The following TMEM132C variants were observed in gnomAD, a reference collection of about 807,000 sequenced individuals.
TMEM132C encodes transmembrane protein 132C.
Under a neutral mutation model 61.4 loss-of-function variants are expected in TMEM132C, and 29 were observed. The ratio of observed to expected loss-of-function variants is 0.47; its 90% CI spans 0.35 to 0.64. TMEM132C has a LOEUF of 0.64. TMEM132C is among the 30% of genes least tolerant of loss of function. The pLI, the probability that TMEM132C is intolerant of heterozygous loss-of-function variation, is 0.00. For missense variants in TMEM132C, 1,408 were observed against 1,476.9 expected, an observed-to-expected ratio of 0.95 and a Z score of 0.76; for synonymous variants, 656 against 633.1, an observed-to-expected ratio of 1.04 and a Z score of -0.54.
At position 128,570,546 on chromosome 12, in the gene TMEM132C, C is replaced by CT. The variant is rs368583011; in HGVS notation, c.1121+26453dup. 5.1e-4 allele frequency among the ~76,000 whole-genome samples: 76 copies of CT among 149,122 alleles called. 1 individual carries two copies. Among genetic ancestry groups the CT allele is most frequent in the Admixed American group, 1.0e-3 (15 of 14,968 alleles). ...ATTGCAGAGGCCTAACGAAACACGG[C>CT]TTTTTTTTTTCCTTTGACTCAGCAT... On this transcript the variant is annotated intron_variant, in intron 3 of 8. Coordinates refer to ENST00000435159, the MANE Select transcript of TMEM132C (RefSeq NM_001136103.3). This position sits in a 1 kb window ranked among gnomAD's most constrained non-coding sequence, Gnocchi z 4.7.
At chr12:128,427,008 G>A (rs1869208560) in intron 2 of TMEM132C, among the ~76,000 whole-genome samples, 1 of 152,148 alleles carries the variant, frequency 6.6e-6, no homozygotes, top group African/African-American at 2.4e-5. Flanking sequence ...AAATTTGTGT[G>A]GAGGAGAGGC....
At chr12:128,501,413 G>A (rs991971175) in intron 2 of TMEM132C, among the ~76,000 whole-genome samples, 2 of 152,192 alleles carry the variant, frequency 1.3e-5, no homozygotes, top group Non-Finnish European at 2.9e-5. Context: ...GACTCAGAAT[G>A]TCAGCCAATA....
intron 3 of TMEM132C, among the ~76,000 whole-genome samples, chr12:128,583,660 A>G (rs1438231988): frequency 2.0e-5 from 3 of 152,174 alleles, no homozygotes; most frequent in African/African-American, 4.8e-5. Flanking sequence ...GAGGGGAACT[A>G]CTGCTCCTTG....
intron 1 of TMEM132C, among the ~76,000 whole-genome samples, chr12:128,394,773 C>T (rs959799992): frequency 9.2e-5 from 14 of 152,272 alleles, no homozygotes; most frequent in Admixed American, 3.3e-4. Flanking sequence ...GAGCCATACA[C>T]GGGATAGTAT....
intron 4 of TMEM132C, among the ~76,000 whole-genome samples, chr12:128,617,656 T>C (rs996540387): frequency 2.0e-4 from 30 of 151,664 alleles, no homozygotes; most frequent in Admixed American, 1.8e-3. Flanking sequence ...TGGAATCAGG[T>C]GGGGCAGGTG....
chr12:128,365,299 T>C (rs1476545248), intron 1 of TMEM132C, among the ~76,000 whole-genome samples: 1 of 152,180 alleles, frequency 6.6e-6, no homozygotes, highest in African/African-American at 2.4e-5. Flanking sequence ...ATGAAACACA[T>C]AGGAATGCTC....
At chr12:128,454,596 G>C (rs367772643) in intron 2 of TMEM132C, among the ~76,000 whole-genome samples, 7 of 152,354 alleles carry the variant, frequency 4.6e-5, no homozygotes, top group African/African-American at 1.7e-4. Context: ...ATGCAGAGGT[G>C]TTCGCCGGGG....
intron 2 of TMEM132C, among the ~76,000 whole-genome samples, chr12:128,505,647 C>T (rs930681841): frequency 6.6e-6 from 1 of 152,180 alleles, no homozygotes; most frequent in African/African-American, 2.4e-5. Flanking sequence ...CCCTCAATAG[C>T]CATTGCCCAT....
chr12:128,378,631 C>T (rs1469741665), intron 1 of TMEM132C, among the ~76,000 whole-genome samples: 1 of 152,130 alleles, frequency 6.6e-6, no homozygotes, highest in African/African-American at 2.4e-5. Context: ...AAGGAGCTGT[C>T]ATAGTAATGC....
At chr12:128,318,680 T>C (rs1305719507) in intron 1 of TMEM132C, among the ~76,000 whole-genome samples, 1 of 152,210 alleles carries the variant, frequency 6.6e-6, no homozygotes, top group Admixed American at 6.5e-5. Flanking sequence ...AACCAGTATT[T>C]CATTTGCCTC....
chr12:128,621,276 G>C (rs1953960584), intron 4 of TMEM132C, among the ~76,000 whole-genome samples: 1 of 152,196 alleles, frequency 6.6e-6, no homozygotes, highest in Admixed American at 6.5e-5. Context: ...TGGAGCCAGT[G>C]AATGTGACCT....
chr12:128,460,683 A>C (rs1258663120), intron 2 of TMEM132C, among the ~76,000 whole-genome samples: 1 of 152,220 alleles, frequency 6.6e-6, no homozygotes, highest in Non-Finnish European at 1.5e-5. Context: ...ATGTTGGTCA[A>C]TGAATGCAAG....
chr12:128,362,013 G>A (rs546091480), intron 1 of TMEM132C, among the ~76,000 whole-genome samples: 10 of 152,086 alleles, frequency 6.6e-5, no homozygotes, highest in East Asian at 1.9e-4. Flanking sequence ...TGGGGGACTC[G>A]GAGTTCAGGA....
At chr12:128,403,804 T>C (rs961691331) in intron 1 of TMEM132C, among the ~76,000 whole-genome samples, 1 of 152,242 alleles carries the variant, frequency 6.6e-6, no homozygotes, top group South Asian at 2.1e-4. Context: ...ACCACTGTGA[T>C]ACATTTCTTC....
intron 1 of TMEM132C, among the ~76,000 whole-genome samples, chr12:128,393,423 A>G (rs1445875677): frequency 6.6e-6 from 1 of 152,228 alleles, no homozygotes; most frequent in Non-Finnish European, 1.5e-5. Context: ...AATGACAGAC[A>G]ACAGGCTTCA....
intron 1 of TMEM132C, among the ~76,000 whole-genome samples, chr12:128,276,893 T>TGC (rs1176212210): frequency 2.9e-5 from 2 of 69,188 alleles, no homozygotes; most frequent in East Asian, 5.3e-4. Flanking sequence ...TGTGCGTGCA[T>TGC]GCACACACAC....
At chr12:128,680,732 A>G (rs1343802473) in intron 5 of TMEM132C, among the ~76,000 whole-genome samples, 1 of 152,164 alleles carries the variant, frequency 6.6e-6, no homozygotes, top group East Asian at 1.9e-4. Flanking sequence ...TTGGCCTAGA[A>G]CTGGCCAAAA....
At chr12:128,640,399 T>A (rs79267984) in intron 4 of TMEM132C, among the ~76,000 whole-genome samples, 2,385 of 152,204 alleles carry the variant, frequency 0.016, 62 homozygotes, top group African/African-American at 0.055. Context: ...GCTGTATGAT[T>A]CCATTTATGT....
intron 1 of TMEM132C, among the ~76,000 whole-genome samples, chr12:128,316,592 G>A (rs1200282851): frequency 6.6e-6 from 1 of 152,152 alleles, no homozygotes; most frequent in African/African-American, 2.4e-5. Context: ...GAAGCTCTGT[G>A]TCACAGACAT....
Sources: allele counts gnomAD v4.1 joint callset (sites outside exome capture counted in the v4.1 genomes callset), GRCh38; gene constraint gnomAD v4.1.1; non-coding constraint Gnocchi (gnomAD v3.1); transcripts MANE v1.5; gene names NCBI Gene and HGNC (gene_info 2026-07-23, HGNC 2026-07-21).